The following GRB2 variants were observed in gnomAD, a reference collection of about 807,000 sequenced individuals.
GRB2 encodes growth factor receptor-bound protein 2.
Under a neutral mutation model 27.4 loss-of-function variants are expected in GRB2, and 2 were observed. The observed-to-expected ratio is 0.07, with a 90% CI of 0.03 to 0.23. The LOEUF is 0.23. GRB2 is among the 10% of genes least tolerant of loss of function. The probability of loss-of-function intolerance (pLI) is 1.00; values close to 1 mark genes in which losing one functional copy is unlikely to be tolerated. For missense variants in GRB2, 102 were observed against 282.4 expected, an observed-to-expected ratio of 0.36 and a Z score of 4.58; for synonymous variants, 94 against 99.6, an observed-to-expected ratio of 0.94 and a Z score of 0.33.
chr17:75,353,082 G>T (rs924225589), intron 2 of GRB2, among the ~76,000 whole-genome samples: 5 of 151,744 alleles, frequency 3.3e-5, no homozygotes, highest in Non-Finnish European at 7.4e-5. Flanking sequence ...CTACTCGGGA[G>T]GCTGAGGCAG....
chr17:75,400,487 C>G (rs1158279150), intron 1 of GRB2, among the ~76,000 whole-genome samples: 2 of 151,392 alleles, frequency 1.3e-5, no homozygotes, highest in Non-Finnish European at 2.9e-5. Context: ...CTCCTTTTTT[C>G]TTTCTGAGAC....
At chr17:75,334,160 T>A (rs2078560120) in intron 2 of GRB2, among the ~76,000 whole-genome samples, 1 of 152,124 alleles carries the variant, frequency 6.6e-6, no homozygotes, top group South Asian at 2.1e-4. Context: ...GTTTTATTTT[T>A]TTTTAGATTT....
At position 75,350,477 on chromosome 17, in the gene GRB2, G is replaced by A. The variant is rs116764224; in HGVS notation, c.79-17680C>T. Among the ~76,000 whole-genome samples, 1,135 of 152,144 alleles carry A rather than the reference G, an allele frequency of 7.5e-3. 17 individuals are homozygous for A. The highest frequency in any genetic ancestry group is 0.026 in the African/African-American group (1,086 of 41,496). On this transcript the variant is annotated intron_variant, in intron 2 of 5. Transcript: ENST00000316804. The stretch of plus-strand genomic sequence containing the variant: ...CAATGCAAGGAAAGCTCACTTGGGC[G>A]GTAACATTTATTTATTTATTTTTAT...
chr17:75,323,509 T>C (rs1460244488), intron 4 of GRB2, among the ~76,000 whole-genome samples: 2 of 152,152 alleles, frequency 1.3e-5, no homozygotes, highest in Non-Finnish European at 2.9e-5. Flanking sequence ...CTGACAACTG[T>C]TGATTCTTGA....
At chr17:75,337,901 C>CTACTACTACTACTACTACTACTACTAT (rs1375563317) in intron 2 of GRB2, among the ~76,000 whole-genome samples, 1 of 117,388 alleles carries the variant, frequency 8.5e-6, no homozygotes, top group Non-Finnish European at 1.7e-5. Flanking sequence ...ACTACTACTA[C>CTACTACTACTACTACTACTACTACTAT]TATTATTATT....
At chr17:75,374,045 T>A (rs2078874578) in intron 2 of GRB2, among the ~76,000 whole-genome samples, 1 of 151,590 alleles carries the variant, frequency 6.6e-6, no homozygotes, top group African/African-American at 2.4e-5. Context: ...TCCGCCCACC[T>A]CAGCCTCCCA....
intron 2 of GRB2, among the ~76,000 whole-genome samples, chr17:75,369,281 G>A (rs959906541): frequency 4.6e-5 from 7 of 152,168 alleles, no homozygotes; most frequent in Admixed American, 4.6e-4. Context: ...TAACCTAGGA[G>A]TTCACAATGC....
At chr17:75,325,446 G>A (rs770889772) in intron 4 of GRB2, among the ~76,000 whole-genome samples, 7 of 152,228 alleles carry the variant, frequency 4.6e-5, no homozygotes, top group East Asian at 3.9e-4. Context: ...ACTTTCCACC[G>A]GGGAAATGCA....
intron 2 of GRB2, chr17:75,387,609 C>T (rs977026921): frequency 6.6e-6 from 1 of 151,922 alleles, no homozygotes; most frequent in South Asian, 2.1e-4. Context: ...CCAGCCTGGC[C>T]AACATGATAA....
intron 2 of GRB2, among the ~76,000 whole-genome samples, chr17:75,355,071 G>A (rs1209142549): frequency 6.6e-6 from 1 of 152,170 alleles, no homozygotes; most frequent in African/African-American, 2.4e-5. Context: ...GCCTCCCAAA[G>A]TGCTGGGATT....
At chr17:75,397,868 A>T (rs7221050) in intron 1 of GRB2, among the ~76,000 whole-genome samples, 99,192 of 146,184 alleles carry the variant, frequency 0.68, 37,799 homozygotes, top group East Asian at 0.91. Flanking sequence ...TTGAGACAGC[A>T]TCTAGCTCTG....
chr17:75,393,476 G>A lies in GRB2; in HGVS notation c.78+75C>T, dbSNP rs941171896. On this transcript the variant is annotated intron_variant, in intron 2 of 5. Coordinates refer to ENST00000316804, the MANE Select transcript of GRB2 (RefSeq NM_002086.5). ...ACAATGAAAAACACAGCTTCTTTGT[G>A]TGTAATCAGGGCGAAAGAAGGTGGG... is the stretch of plus-strand genomic sequence containing the variant. 6.7e-5 allele frequency: 74 copies of A among 1,112,448 alleles called. 1 individual carries two copies. The African/African-American group carries it at 9.0e-4, about 14-fold the overall frequency. The allele number at this position is 1,112,448 out of a possible 1,614,324, so 68.9% of individuals were successfully genotyped here. A position where few individuals can be genotyped will look rare whatever the true frequency, so the allele number is the denominator to read the frequency against.
rs190585773 is a variant in GRB2, at chr17:75,399,671, A to T, written c.-138+5818T>A. Reference sequence around the variant, plus strand: ...CGTGAGCCACCGCGCCCGACCAACAATTATTTATTTATTTTTTTGAGACAG... The same window carrying T: ...CGTGAGCCACCGCGCCCGACCAACATTTATTTATTTATTTTTTTGAGACAG... On this transcript the variant is annotated intron_variant, in intron 1 of 5. Coordinates refer to ENST00000316804, the MANE Select transcript of GRB2 (RefSeq NM_002086.5). Among the ~76,000 whole-genome samples, 171 of 117,570 alleles carry T rather than the reference A, an allele frequency of 1.5e-3. 2 individuals are homozygous for T. Among genetic ancestry groups the T allele is most frequent in the African/African-American group, 4.7e-3 (167 of 35,876 alleles). 77.1% of individuals were successfully genotyped at this position (117,570 alleles called of 152,430 possible). A position where few individuals can be genotyped will look rare whatever the true frequency, so the allele number is the denominator to read the frequency against.
chr17:75,341,358 A>G (rs1422547069), intron 2 of GRB2, among the ~76,000 whole-genome samples: 1 of 150,672 alleles, frequency 6.6e-6, no homozygotes, highest in African/African-American at 2.5e-5. Context: ...GCTTGGAGGC[A>G]GGAGAATCGC....
chr17:75,341,006 T>C (rs1489942914), intron 2 of GRB2, among the ~76,000 whole-genome samples: 1 of 152,188 alleles, frequency 6.6e-6, no homozygotes, highest in African/African-American at 2.4e-5. Context: ...CCATTTGGAA[T>C]GACCGCAACT....
intron 2 of GRB2, among the ~76,000 whole-genome samples, chr17:75,348,310 TGCTGGGCTATAG>T (rs1475999443): frequency 3.9e-5 from 6 of 152,234 alleles, no homozygotes. Context: ...CCTCCCAAAG[TGCTGGGCTATAG>T]GCATGAGCCA....
intron 2 of GRB2, among the ~76,000 whole-genome samples, chr17:75,376,550 T>C (rs2078895238): frequency 6.7e-6 from 1 of 149,186 alleles, no homozygotes; most frequent in Non-Finnish European, 1.5e-5. Context: ...TAGTGAAGCA[T>C]GAACTTCTAC....
intron 2 of GRB2, among the ~76,000 whole-genome samples, chr17:75,363,688 T>C (rs556915058): frequency 1.3e-5 from 2 of 151,596 alleles, no homozygotes; most frequent in East Asian, 1.9e-4. Flanking sequence ...CGAAACCCCA[T>C]CTCTACTAAA....
intron 2 of GRB2, among the ~76,000 whole-genome samples, chr17:75,347,125 T>G (rs1380512622): frequency 6.6e-6 from 1 of 152,162 alleles, no homozygotes; most frequent in Non-Finnish European, 1.5e-5. Context: ...GGTGGTAACC[T>G]GATTACCAGC....
Sources: gnomAD v4.1 joint callset for allele counts (sites outside exome capture counted in the v4.1 genomes callset) on GRCh38, gnomAD v4.1.1 for gene constraint, MANE v1.5 for transcripts, NCBI Gene and HGNC (gene_info 2026-07-23, HGNC 2026-07-21) for gene names.